Variants in SLC7A8 observed in about 807,000 individuals in gnomAD.
SLC7A8 encodes large neutral amino acids transporter small subunit 2.
A neutral mutation model predicts 51.2 loss-of-function variants in SLC7A8; 30 were observed. The observed-to-expected ratio is 0.59, with a 90% confidence interval of 0.44 to 0.80. The LOEUF (loss-of-function observed/expected upper bound fraction) is 0.80. Among genes scored for constraint, SLC7A8 ranks in the 30% least tolerant of loss-of-function variants. The probability of loss-of-function intolerance (pLI) is 0.00; values close to 1 mark genes in which losing one functional copy is unlikely to be tolerated. For synonymous variants in SLC7A8, 257 were observed against 275.8 expected, an observed-to-expected ratio of 0.93 and a Z score of 0.67; for missense variants, 612 against 674.4, an observed-to-expected ratio of 0.91 and a Z score of 1.03.
chr14:23,165,432 G>A lies in SLC7A8; in HGVS notation c.361C>T (p.Leu121=). 1.9e-6 allele frequency: 3 copies of A among 1,583,982 alleles called. No individual in the cohort carries two copies. Among genetic ancestry groups the A allele is most frequent in the African/African-American group, 2.8e-5 (2 of 72,644 alleles). ...KDIFGGLAGF[L]RLWIAVLVIY... is the part of the protein sequence containing the mutation. ...ACCAGCACAGCAATCCACAGCCTCA[G>A]GAACCTGAAGGAGGAAAGGGACATC... Residue 121 remains leucine, a synonymous_variant, in exon 3 of 11, where the codon CTG becomes TTG. Transcript: ENST00000316902. The surrounding 1 kb of genome is among the most constrained non-coding windows in gnomAD (Gnocchi z 4.2).
intron 3 of SLC7A8, among the ~76,000 whole-genome samples, chr14:23,163,526 A>G (rs766236078): frequency 2.6e-5 from 4 of 152,190 alleles, no homozygotes; most frequent in Non-Finnish European, 5.9e-5. Context: ...AAGAGGGCTC[A>G]CTTGCCAAGG....
At chr14:23,171,720 G>T (rs1189871848) in intron 1 of SLC7A8, among the ~76,000 whole-genome samples, 1 of 152,222 alleles carries the variant, frequency 6.6e-6, no homozygotes, top group Admixed American at 6.5e-5. Context: ...GGATCTCAGA[G>T]CTTTTCAGGA....
chr14:23,146,269 A>G (rs1749378265), intron 3 of SLC7A8, among the ~76,000 whole-genome samples: 1 of 152,230 alleles, frequency 6.6e-6, no homozygotes, highest in Non-Finnish European at 1.5e-5. Flanking sequence ...CTGGATCTTG[A>G]TCTCAGGGAA....
intron 3 of SLC7A8, among the ~76,000 whole-genome samples, chr14:23,151,849 A>C (rs958452817): frequency 1.3e-5 from 2 of 151,494 alleles, no homozygotes; most frequent in Non-Finnish European, 2.9e-5. Context: ...AGATCACTTG[A>C]GTTCAGGAGT....
rs149254131 is a variant in SLC7A8, at chr14:23,176,210, C to T, written c.151+6554G>A. Among the ~76,000 whole-genome samples, 5 of 152,282 alleles carry T rather than the reference C, an allele frequency of 3.3e-5. No homozygotes were observed. In the East Asian group the frequency reaches 9.6e-4, roughly 29 times the overall value. ...CAAAATCTTCTAAAGTGGTATAGAC[C>T]ACATGGGTGTGAGATCTTTTATACT... On this transcript the variant is annotated intron_variant, in intron 1 of 10. Transcript: ENST00000316902.
intron 1 of SLC7A8, among the ~76,000 whole-genome samples, chr14:23,173,852 G>A (rs1046606783): frequency 6.6e-6 from 1 of 151,444 alleles, no homozygotes; most frequent in South Asian, 2.1e-4. Flanking sequence ...TGTTGCCCAG[G>A]CTGGTCTTGA....
intron 8 of SLC7A8, among the ~76,000 whole-genome samples, chr14:23,130,644 C>T (rs538151101): frequency 6.6e-6 from 1 of 152,324 alleles, no homozygotes; most frequent in African/African-American, 2.4e-5. Flanking sequence ...CTGTCTTCTC[C>T]AGCCACCTTC....
chr14:23,133,487 TA>T (rs2048660181), intron 7 of SLC7A8, among the ~76,000 whole-genome samples: 1 of 148,940 alleles, frequency 6.7e-6, no homozygotes, highest in Non-Finnish European at 1.5e-5. Context: ...GGAAATATCG[TA>T]AGTGCCTAAA....
At chr14:23,161,126 C>T (rs1030279093) in intron 3 of SLC7A8, among the ~76,000 whole-genome samples, 9 of 152,074 alleles carry the variant, frequency 5.9e-5, no homozygotes, top group African/African-American at 1.7e-4. Flanking sequence ...CTCCTCTCCC[C>T]GACCCGCTCA....
At chr14:23,181,333 T>C (rs1395359770) in intron 1 of SLC7A8, among the ~76,000 whole-genome samples, 3 of 151,868 alleles carry the variant, frequency 2.0e-5, no homozygotes, top group Non-Finnish European at 4.4e-5. Flanking sequence ...ATTCAGATCA[T>C]GACTACAATT....
At chr14:23,149,066 C>T (rs747723583) in intron 3 of SLC7A8, among the ~76,000 whole-genome samples, 16 of 152,146 alleles carry the variant, frequency 1.1e-4, no homozygotes, top group Admixed American at 1.3e-4. Context: ...GAAGGGATGG[C>T]GCTCTCTAGA....
In SLC7A8 at chr14:23,155,455, C is replaced by A; in HGVS notation, c.508+9830G>T. Reference sequence around the variant, plus strand: ...TGGAGCTGGGGTTTCTGCTGAATCACCACCCAGTATTTAGCTCAGCCAAGA... The same window carrying A: ...TGGAGCTGGGGTTTCTGCTGAATCAACACCCAGTATTTAGCTCAGCCAAGA... On this transcript the variant is annotated intron_variant, in intron 3 of 10. Coordinates refer to ENST00000316902, the MANE Select transcript of SLC7A8 (RefSeq NM_012244.4). 2.8e-6 allele frequency: 4 copies of A among 1,431,486 alleles called. No homozygotes were observed. In the East Asian group the frequency reaches 1.0e-4, roughly 36 times the overall value. The allele number at this position is 1,431,486 out of a possible 1,614,324, so 88.7% of individuals were successfully genotyped here.
rs767463881 is a variant in SLC7A8 at position 23,166,428 on chromosome 14, C to T, written c.264G>A (p.Val88=). The change falls in exon 2 of 11, where the codon GTG becomes GTA. Residue 88 remains valine (V), a synonymous_variant. Transcript: ENST00000316902. ...VWIVTGFITV[V]GALCYAELGV... ...CGAGTTCAGCATAGCAGAGGGCTCC[C>T]ACAACTGTGATGAAGCCCGTCACAA... 6 of 1,614,170 alleles carry T rather than the reference C, an allele frequency of 3.7e-6. No individual in the cohort carries two copies. The South Asian group carries it at 5.5e-5, about 15-fold the overall frequency.
intron 1 of SLC7A8, among the ~76,000 whole-genome samples, chr14:23,168,363 C>T (rs2048960301): frequency 6.6e-6 from 1 of 152,200 alleles, no homozygotes; most frequent in Non-Finnish European, 1.5e-5. Context: ...TCCAGTGATT[C>T]TTCCCCTGCC....
At chr14:23,155,272 G>C (rs776202552) in intron 3 of SLC7A8, 76 of 1,536,156 alleles carry the variant, frequency 4.9e-5, no homozygotes, top group Admixed American at 2.9e-4. Context: ...GGAGGGTGCA[G>C]AGAAGCTGTG....
chr14:23,172,623 CTT>C (rs1461182888), intron 1 of SLC7A8, among the ~76,000 whole-genome samples: 1 of 152,234 alleles, frequency 6.6e-6, no homozygotes, highest in Non-Finnish European at 1.5e-5. Context: ...CAGTGAGAGG[CTT>C]TGTCTTCCTT....
chr14:23,168,838 T>C (rs907219018), intron 1 of SLC7A8, among the ~76,000 whole-genome samples: 8 of 152,236 alleles, frequency 5.3e-5, no homozygotes, highest in African/African-American at 1.9e-4. Context: ...GTATGTTCCC[T>C]TGTTCTAGGC....
intron 7 of SLC7A8, among the ~76,000 whole-genome samples, chr14:23,136,464 G>A (rs2048691071): frequency 1.3e-5 from 2 of 152,210 alleles, no homozygotes; most frequent in African/African-American, 2.4e-5. Flanking sequence ...CGATAACGGA[G>A]GAGACGATGA....
At chr14:23,173,785 C>T (rs921407087) in intron 1 of SLC7A8, among the ~76,000 whole-genome samples, 4 of 151,726 alleles carry the variant, frequency 2.6e-5, no homozygotes, top group African/African-American at 7.3e-5. Flanking sequence ...GGACCACAGG[C>T]GTGTGCCACC....
Sources: gnomAD v4.1 joint callset for allele counts (sites outside exome capture counted in the v4.1 genomes callset) on GRCh38, gnomAD v4.1.1 for gene constraint, Gnocchi (gnomAD v3.1) non-coding constraint, MANE v1.5 for transcripts, NCBI Gene and HGNC (gene_info 2026-07-23, HGNC 2026-07-21) for gene names.